Variants in OR5B2 observed in about 807,000 individuals in gnomAD.
OR5B2 encodes the protein olfactory receptor family 5 subfamily B member 2, also known as olfactory receptor 5B2.
For synonymous variants in OR5B2, 163 were observed against 140.8 expected (o/e 1.16, Z -1.11); for missense variants, 411 against 367.0 (o/e 1.12, Z -0.98).
At position 58,422,678 on chromosome 11, in the gene OR5B2, A is replaced by C. The variant is rs757102752; in HGVS notation, c.584T>G (p.Val195Gly). The C allele has an allele frequency of 3.6e-5, 58 of 1,613,366 alleles. 2 individuals are homozygous for C. In the South Asian group the frequency reaches 6.4e-4, roughly 18 times the overall value. Residue 195 changes from valine (V) to glycine (G), a missense_variant, in exon 3 of 3, where the codon GTG (valine) becomes GGG (glycine). Physicochemically the swap from Val to Gly is moderately radical, Grantham distance 109. Transcript: ENST00000641342. ...AAAGCTTGACATAAAAACCAGAATC[A>C]CCTCACTAGTGTGTTTATCAGAGCA... ...LSCSDKHTSE[V>G]ILVFMSSFNI...
In OR5B2 at chr11:58,422,419, G is replaced by T. The variant is rs1855285285; in HGVS notation, c.843C>A (p.Pro281=). ...GGCTGTAGACCACAGGGTTCAGCAT[G>T]GGGATGATCATAGCATAGAACACAG... ...MASVFYAMII[P]MLNPVVYSLR... is the part of the protein sequence containing the mutation. Residue 281 remains proline (P), a synonymous_variant, in exon 3 of 3, where the codon CCC becomes CCA. Transcript: ENST00000641342. 6 of 1,613,536 alleles carry T rather than the reference G, an allele frequency of 3.7e-6. No individual in the cohort carries two copies. The highest frequency in any genetic ancestry group is 5.1e-6 in the Non-Finnish European group (6 of 1,179,746).
chr11:58,427,378 G>A (rs1310967000), intron 1 of OR5B2, among the ~76,000 whole-genome samples: 3 of 152,144 alleles, frequency 2.0e-5, no homozygotes, highest in African/African-American at 7.2e-5. Flanking sequence ...AATCATGAGT[G>A]GCATAATGGA....
Position 58,422,209 on chromosome 11 carries a change from T to C in OR5B2, c.*123A>G. On this transcript the variant is annotated 3_prime_UTR_variant, in exon 3 of 3. Coordinates refer to ENST00000641342, the MANE Select transcript of OR5B2 (RefSeq NM_001005566.3). Reference sequence around the variant, plus strand: ...ATTAAAAAATTGACTTCTAAAGAGGTAAGAATATCACCTCATGAACTTAAA... The same window carrying C: ...ATTAAAAAATTGACTTCTAAAGAGGCAAGAATATCACCTCATGAACTTAAA... 1.7e-6 allele frequency: 1 copy of C among 573,218 alleles called. No homozygotes were observed. Among genetic ancestry groups the C allele is most frequent in the Non-Finnish European group, 3.1e-6 (1 of 323,018 alleles). The allele number at this position is 573,218 out of a possible 1,614,324, so 35.5% of individuals were successfully genotyped here.
chr11:58,427,519 A>AT (rs981973649), intron 1 of OR5B2, among the ~76,000 whole-genome samples: 3 of 151,990 alleles, frequency 2.0e-5, no homozygotes, highest in Admixed American at 1.3e-4. Flanking sequence ...AGAGATGAGT[A>AT]TTTTTTTTCT....
intron 2 of OR5B2, among the ~76,000 whole-genome samples, chr11:58,423,648 G>A (rs1381108287): frequency 2.6e-5 from 4 of 152,054 alleles, no homozygotes; most frequent in Non-Finnish European, 5.9e-5. Flanking sequence ...ACTGGGAACC[G>A]CTCTAGGCAA....
At chr11:58,424,400 C>T (rs1855315459) in intron 2 of OR5B2, among the ~76,000 whole-genome samples, 1 of 152,092 alleles carries the variant, frequency 6.6e-6, no homozygotes, top group African/African-American at 2.4e-5. Flanking sequence ...CCCAATAATT[C>T]TCATTCTGTC....
intron 1 of OR5B2, among the ~76,000 whole-genome samples, chr11:58,427,424 G>T (rs1257257211): frequency 6.6e-6 from 1 of 152,158 alleles, no homozygotes; most frequent in Non-Finnish European, 1.5e-5. Flanking sequence ...TTCGTTGGCC[G>T]ATGGCAGCAT....
Position 58,422,521 on chromosome 11 carries a change from G to T in OR5B2, c.741C>A (p.Ser247=), listed in dbSNP as rs150284257. The T allele has an allele frequency of 6.2e-6, 10 of 1,613,648 alleles. No individual in the cohort carries two copies. In the Admixed American group the frequency reaches 1.7e-4, roughly 27 times the overall value. Residue 247 remains serine (S), a synonymous_variant, in exon 3 of 3, where the codon TCC becomes TCA. Coordinates refer to ENST00000641342, the MANE Select transcript of OR5B2 (RefSeq NM_001005566.3). ...TGAAGATTACTGTCCCATAGAAGAC[G>T]GAGACTGCAGTGAAGTGAGAGGCAC... ...STCASHFTAV[S]VFYGTVIFIY... is the part of the protein sequence containing the mutation.
chr11:58,427,973 C>G (rs966290432), intron 1 of OR5B2, 46 bp downstream of exon 1: 1 of 152,250 alleles, frequency 6.6e-6, no homozygotes, highest in African/African-American at 2.4e-5. Context: ...GCATTGGTGT[C>G]AGTCACTGGT....
At chr11:58,424,948 T>G (rs545292346) in intron 2 of OR5B2, among the ~76,000 whole-genome samples, 1 of 152,130 alleles carries the variant, frequency 6.6e-6, no homozygotes, top group Non-Finnish European at 1.5e-5. Flanking sequence ...TTTGAAAAGT[T>G]TTGTGATATT....
chr11:58,427,407 T>G (rs189843924), intron 1 of OR5B2, among the ~76,000 whole-genome samples: 103 of 152,326 alleles, frequency 6.8e-4, no homozygotes, highest in African/African-American at 2.3e-3. Flanking sequence ...TAAAGTGTTA[T>G]GTAAGTTTCG....
Position 58,423,195 on chromosome 11 carries a change from T to G in OR5B2, c.67A>C (p.Ile23Leu). 1 of 1,613,432 alleles carries G rather than the reference T, an allele frequency of 6.2e-7. No homozygotes were observed. The highest frequency in any genetic ancestry group is 8.5e-7 in the Non-Finnish European group (1 of 1,179,578). Reference sequence around the variant, plus strand: ...AAGGTGAACAAGATAAAGAGGGGGATCTGTAGTTCTGGGACACTGGTTAGT... The same window carrying G: ...AAGGTGAACAAGATAAAGAGGGGGAGCTGTAGTTCTGGGACACTGGTTAGT... Reference protein sequence around the residue: ...LGLTSVPELQIPLFILFTFIY... With the variant: ...LGLTSVPELQLPLFILFTFIY... Residue 23 changes from isoleucine to leucine, a missense_variant, in exon 3 of 3, where the codon ATC (isoleucine) becomes CTC (leucine). By Grantham distance (5) the Ile-to-Leu change is conservative. Coordinates refer to ENST00000641342, the MANE Select transcript of OR5B2 (RefSeq NM_001005566.3).
intron 2 of OR5B2, 71 bp downstream of exon 2, chr11:58,426,551 T>A (rs1371862910): frequency 6.6e-6 from 1 of 152,152 alleles, no homozygotes; most frequent in African/African-American, 2.4e-5. Flanking sequence ...ATGTTTGCCC[T>A]TGAACTTTTA....
chr11:58,424,001 G>A (rs950523247), intron 2 of OR5B2, among the ~76,000 whole-genome samples: 10 of 152,124 alleles, frequency 6.6e-5, no homozygotes, highest in Non-Finnish European at 1.0e-4. Context: ...AATTCTGAGG[G>A]GAAGGCAGCA....
Position 58,422,289 on chromosome 11 carries a change from GAAA to G in OR5B2, c.*40_*42del. ...TGCATGAGGAAAGTCTGAGATGAGG[GAAA>G]CAACATTTTTGTGTATACAACAATG... is the stretch of plus-strand genomic sequence containing the variant. On this transcript the variant is annotated 3_prime_UTR_variant, in exon 3 of 3. Transcript: ENST00000641342. The G allele has an allele frequency of 7.8e-7, 1 of 1,281,224 alleles. No individual in the cohort carries two copies. The highest frequency in any genetic ancestry group is 1.1e-6 in the Non-Finnish European group (1 of 898,180). The allele number at this position is 1,281,224 out of a possible 1,614,324, so 79.4% of individuals were successfully genotyped here. A position where few individuals can be genotyped will look rare whatever the true frequency, so the allele number is the denominator to read the frequency against.
chr11:58,425,436 C>T (rs559526129), intron 2 of OR5B2, among the ~76,000 whole-genome samples: 62 of 152,098 alleles, frequency 4.1e-4, no homozygotes, highest in African/African-American at 1.4e-3. Flanking sequence ...ACTGCTTTTG[C>T]ACAAATTCCC....
chr11:58,427,845 C>T (rs1855355982), intron 1 of OR5B2, among the ~76,000 whole-genome samples, 174 bp downstream of exon 1: 1 of 152,074 alleles, frequency 6.6e-6, no homozygotes, highest in African/African-American at 2.4e-5. Context: ...AGTCAAGGGA[C>T]TGTGAGAAGG....
rs1336599656 is a variant in OR5B2, at chr11:58,422,565, G to C, written c.697C>G (p.Gln233Glu). ...ILKMHSAKGHQKALSTCASHF... is the reference protein window; with the variant it reads ...ILKMHSAKGHEKALSTCASHF... Reference sequence around the variant, plus strand: ...GAGGCACAGGTGGACAATGCTTTTTGGTGTCCCTTAGCTGAATGCATCTTC... The same window carrying C: ...GAGGCACAGGTGGACAATGCTTTTTCGTGTCCCTTAGCTGAATGCATCTTC... Residue 233 changes from glutamine (Q) to glutamate (E), a missense_variant, in exon 3 of 3, where the codon CAA becomes GAA. Transcript: ENST00000641342. The C allele has an allele frequency of 6.2e-7, 1 of 1,613,576 alleles. No homozygotes were observed. The highest frequency in any genetic ancestry group is 2.2e-5 in the East Asian group (1 of 44,856).
chr11:58,422,973 C>T lies in OR5B2; in HGVS notation c.289G>A (p.Val97Ile), dbSNP rs1352442603. The change falls in exon 3 of 3, where the codon GTT becomes ATT. Residue 97 changes from valine (V) to isoleucine (I), a missense_variant. By Grantham distance (29) the Val-to-Ile change is conservative. Transcript: ENST00000641342. ...AAGGCTACAAAGAAGAACATCTGAA[C>T]AGCACATGCATTGTAGGAGATGACC... The part of the protein sequence containing the change: ...DKVISYNACA[V>I]QMFFFVALAT... The T allele has an allele frequency of 6.2e-7, 1 of 1,613,856 alleles. No homozygotes were observed. Among genetic ancestry groups the T allele is most frequent in the East Asian group, 2.2e-5 (1 of 44,846 alleles).
Sources: allele counts gnomAD v4.1 joint callset (sites outside exome capture counted in the v4.1 genomes callset), GRCh38; gene constraint gnomAD v4.1.1; transcripts MANE v1.5; gene names NCBI Gene and HGNC (gene_info 2026-07-23, HGNC 2026-07-21).